The following ATAD3B variants were observed in gnomAD, a reference collection of about 807,000 sequenced individuals.
ATAD3B encodes the protein ATPase family AAA domain-containing protein 3B.
Under a neutral mutation model 70.2 loss-of-function variants are expected in ATAD3B, and 59 were observed. The ratio of observed to expected loss-of-function variants is 0.84; its 90% CI spans 0.68 to 1.04. The LOEUF (loss-of-function observed/expected upper bound fraction) is 1.04. Ranked by LOEUF, ATAD3B falls within the 50% of genes least tolerant of loss-of-function variation. The probability of loss-of-function intolerance (pLI) is 0.00; values close to 1 mark genes in which losing one functional copy is unlikely to be tolerated. For synonymous variants in ATAD3B, 423 were observed against 388.6 expected, an observed-to-expected ratio of 1.09 and a Z score of -1.04; for missense variants, 961 against 913.4, an observed-to-expected ratio of 1.05 and a Z score of -0.67.
At chr1:1,489,737 G>C in intron 13 of ATAD3B, 1 of 1,309,232 alleles carries the variant, frequency 7.6e-7, no homozygotes. Flanking sequence ...CTGGTCGGCC[G>C]TGGCTGACTC....
Position 1,484,901 on chromosome 1 carries a change from C to G in ATAD3B, c.751-115C>G, listed in dbSNP as rs1035234089. 4.5e-5 allele frequency: 65 copies of G among 1,447,922 alleles called. 1 individual carries two copies. In the Admixed American group the frequency reaches 1.3e-3, roughly 29 times the overall value. 89.7% of individuals were successfully genotyped at this position (1,447,922 alleles called of 1,614,324 possible). On this transcript the variant is annotated intron_variant, in intron 7 of 15. Transcript: ENST00000673477. Reference sequence around the variant, plus strand: ...TTCGGGTTCCTGTGGGGCCAGCACACGGCCCTGTGCTTCTCCCTCAGGCGG... The same window carrying G: ...TTCGGGTTCCTGTGGGGCCAGCACAGGGCCCTGTGCTTCTCCCTCAGGCGG...
intron 9 of ATAD3B, 133 bp downstream of exon 9, chr1:1,485,971 G>T (rs1464936244): frequency 6.3e-7 from 1 of 1,590,976 alleles, no homozygotes; most frequent in Non-Finnish European, 8.6e-7. Context: ...CTTGGACTGT[G>T]CCGGGGATAG....
At chr1:1,499,862 G>T (rs1463079939), downstream of ATAD3B, among the ~76,000 whole-genome samples, 3 of 151,168 alleles carry the variant, frequency 2.0e-5, no homozygotes, top group Non-Finnish European at 4.4e-5. Flanking sequence ...CCGAAGTGCC[G>T]GGATTACAGG....
rs1640427195 is a variant in ATAD3B at position 1,489,724 on chromosome 1, C to T, written c.1337+450C>T. 1.2e-5 allele frequency: 16 copies of T among 1,310,758 alleles called. No individual in the cohort carries two copies. The South Asian group carries it at 1.9e-4, about 15-fold the overall frequency. 81.2% of individuals were successfully genotyped at this position (1,310,758 alleles called of 1,614,324 possible). A position where few individuals can be genotyped will look rare whatever the true frequency, so the allele number is the denominator to read the frequency against. On this transcript the variant is annotated intron_variant, in intron 13 of 15. Coordinates refer to ENST00000673477, the MANE Select transcript of ATAD3B (RefSeq NM_031921.6). ...CACGTGTCACACGGAGGATCAAGTCCTGCTGGTCGGCCGTGGCTGACTCTT... is the reference window on the plus strand; with the variant it reads ...CACGTGTCACACGGAGGATCAAGTCTTGCTGGTCGGCCGTGGCTGACTCTT...
downstream of ATAD3B, among the ~76,000 whole-genome samples, chr1:1,498,493 C>T (rs1466529273): frequency 1.3e-5 from 2 of 151,706 alleles, no homozygotes; most frequent in Admixed American, 6.6e-5. Flanking sequence ...TAAAACCAAA[C>T]CCTTGATGAT....
Position 1,495,499 on chromosome 1 carries a change from C to T in ATAD3B, c.1629C>T (p.Ala543=), listed in dbSNP as rs1640737888. 1 of 1,607,706 alleles carries T rather than the reference C, an allele frequency of 6.2e-7. No homozygotes were observed. The highest frequency in any genetic ancestry group is 8.5e-7 in the Non-Finnish European group (1 of 1,175,576). The change falls in exon 16 of 16, where the codon GCC becomes GCT. Residue 543 remains alanine, a synonymous_variant. Coordinates refer to ENST00000673477, the MANE Select transcript of ATAD3B (RefSeq NM_031921.6). ...LAVSWQATAY[A]SKDGVLTEAM... is the part of the protein sequence containing the mutation. ...CTCTTCACTAGGCCACGGCATATGC[C>T]TCCAAGGACGGGGTCCTCACTGAGG...
intron 8 of ATAD3B, 59 bp downstream of exon 8, chr1:1,485,230 C>T: frequency 6.3e-7 from 1 of 1,592,024 alleles, no homozygotes; most frequent in Non-Finnish European, 8.6e-7. Flanking sequence ...CCTTCTGCCC[C>T]ACGAGCACAG....
chr1:1,486,310 A>G, intron 10 of ATAD3B, 75 bp downstream of exon 10: 1 of 1,607,128 alleles, frequency 6.2e-7, no homozygotes. Context: ...TGGGGGCCTC[A>G]GCCGCCTGGG....
downstream of ATAD3B, among the ~76,000 whole-genome samples, chr1:1,501,590 C>T (rs1570296683): frequency 6.6e-6 from 1 of 152,198 alleles, no homozygotes; most frequent in South Asian, 2.1e-4. Context: ...AGGGTTTCAC[C>T]ATGTTGACCA....
the ATAD3B span, among the ~76,000 whole-genome samples, chr1:1,503,895 G>T: frequency 4.6e-5 from 7 of 152,200 alleles, no homozygotes; most frequent in African/African-American, 1.7e-4. Context: ...CTGGTTGTCC[G>T]GAGGATGGGG....
intron 2 of ATAD3B, chr1:1,478,166 T>G: frequency 4.0e-6 from 1 of 250,520 alleles, no homozygotes; most frequent in South Asian, 5.8e-5. Flanking sequence ...CTGGCGAATT[T>G]TTGTATTTTT....
rs1353719201 is a variant in ATAD3B, at chr1:1,478,248, T to C, written c.283-396T>C. On this transcript the variant is annotated intron_variant, in intron 2 of 15. Coordinates refer to ENST00000673477, the MANE Select transcript of ATAD3B (RefSeq NM_031921.6). ...CTGACCTCAGGTGATCCAGCCACTT[T>C]GGCCTCACAAAGTGCTGGGATTATA... 3.1e-5 allele frequency: 18 copies of C among 575,038 alleles called. No homozygotes were observed. The East Asian group carries it at 4.8e-4, about 15-fold the overall frequency. The allele number at this position is 575,038 out of a possible 1,614,324, so 35.6% of individuals were successfully genotyped here.
chr1:1,485,090 C>T lies in ATAD3B; in HGVS notation c.825C>T (p.Ile275=), dbSNP rs764805025. 23 of 1,610,264 alleles carry T rather than the reference C, an allele frequency of 1.4e-5. No individual in the cohort carries two copies. In the South Asian group the frequency reaches 2.0e-4, roughly 14 times the overall value. Residue 275 remains isoleucine (I), a synonymous_variant, in exon 8 of 16, where the codon ATC becomes ATT. Transcript: ENST00000673477. ...CGACAGCCGTCACTGGCCGCTTCAT[C>T]GAGGCTCGGCTGGGGAAGCCGTCCC... is the stretch of plus-strand genomic sequence containing the variant. ...KNATAVTGRF[I]EARLGKPSLV... is the part of the protein sequence containing the mutation.
chr1:1,487,914 TG>T lies in ATAD3B; in HGVS notation c.1266+1del. 6.2e-7 allele frequency: 1 copy of T among 1,613,108 alleles called. No homozygotes were observed. On this transcript the variant is annotated splice_donor_variant, in intron 12 of 15. Coordinates refer to ENST00000673477, the MANE Select transcript of ATAD3B (RefSeq NM_031921.6). LOFTEE classifies it high-confidence loss of function. ...ACGCCTTCCTTCGGAAGCGAGCCAC[TG>T]TGAGTGTCACTAAGCCTCTGTCTGG...
At chr1:1,503,753 T>G in the ATAD3B span, 83 of 1,558,872 alleles carry the variant, frequency 5.3e-5, no homozygotes, top group Admixed American at 2.0e-4. Context: ...GTAGGGCTGG[T>G]GGCATGTACA....
chr1:1,504,656 C>A, the ATAD3B span, among the ~76,000 whole-genome samples: 221 of 131,410 alleles, frequency 1.7e-3, no homozygotes, highest in East Asian at 0.031. Flanking sequence ...GTCTCAAAAA[C>A]AAAAAAAAAA....
At chr1:1,484,791 C>G (rs1301459967) in intron 7 of ATAD3B, 11 of 1,254,984 alleles carry the variant, frequency 8.8e-6, no homozygotes, top group East Asian at 2.6e-5. Flanking sequence ...CTGCCAGTTG[C>G]AGAGAAAATG....
chr1:1,505,256 A>G, the ATAD3B span, among the ~76,000 whole-genome samples: 1 of 152,274 alleles, frequency 6.6e-6, no homozygotes, highest in South Asian at 2.1e-4. Flanking sequence ...GCCGAGGCAG[A>G]GAGAGGGAGG....
chr1:1,480,453 T>C (rs1205861468), intron 4 of ATAD3B, among the ~76,000 whole-genome samples: 5 of 147,058 alleles, frequency 3.4e-5, no homozygotes, highest in Non-Finnish European at 7.5e-5. Flanking sequence ...ATCTGTTCCC[T>C]GGTCCTTAGG....
Sources: allele counts gnomAD v4.1 joint callset (sites outside exome capture counted in the v4.1 genomes callset), GRCh38; gene constraint gnomAD v4.1.1; transcripts MANE v1.5; gene names NCBI Gene and HGNC (gene_info 2026-07-23, HGNC 2026-07-21).